The following B4GALNT2 variants were observed in gnomAD, a reference collection of about 807,000 sequenced individuals.
The protein encoded by B4GALNT2 is beta-1,4-N-acetyl-galactosaminyltransferase 2 (SID blood group).
B4GALNT2 carries 42 observed loss-of-function variants against 51.1 expected under a neutral mutation model. The ratio of observed to expected loss-of-function variants is 0.82; its 90% confidence interval spans 0.64 to 1.06. The LOEUF (loss-of-function observed/expected upper bound fraction) is 1.06, where lower values mean the gene tolerates loss of function less well. Among genes scored for constraint, B4GALNT2 ranks in the 50% least tolerant of loss-of-function variants. The pLI, the probability that B4GALNT2 is intolerant of heterozygous loss-of-function variation, is 0.00. For synonymous variants in B4GALNT2, 253 were observed against 251.7 expected, an observed-to-expected ratio of 1.01 and a Z score of -0.05; for missense variants, 602 against 633.6, an observed-to-expected ratio of 0.95 and a Z score of 0.54.
upstream of B4GALNT2, among the ~76,000 whole-genome samples, chr17:49,127,567 T>C (rs977955905): frequency 6.6e-6 from 1 of 152,168 alleles, no homozygotes; most frequent in Non-Finnish European, 1.5e-5. Flanking sequence ...GCTTTTAAAA[T>C]AGATATTGCA....
intron 4 of B4GALNT2, among the ~76,000 whole-genome samples, chr17:49,155,297 C>CAA (rs34869721): frequency 4.4e-3 from 235 of 53,694 alleles, no homozygotes; most frequent in African/African-American, 5.7e-3. Context: ...GATTCAGTCT[C>CAA]AAAAAAAAAA....
the B4GALNT2 span, among the ~76,000 whole-genome samples, chr17:49,121,367 C>A: frequency 6.6e-6 from 1 of 152,102 alleles, no homozygotes; most frequent in Admixed American, 6.5e-5. Flanking sequence ...TTTAACTGGG[C>A]CAAGATGCAA....
intron 3 of B4GALNT2, among the ~76,000 whole-genome samples, chr17:49,147,932 A>T (rs1271786688): frequency 6.6e-6 from 1 of 150,516 alleles, no homozygotes; most frequent in African/African-American, 2.5e-5. Flanking sequence ...GTACCATAAA[A>T]ACAAATCACT....
chr17:49,170,008 T>C lies in B4GALNT2; in HGVS notation c.*280T>C. The C allele has an allele frequency of 3.2e-6, 1 of 315,818 alleles. No individual in the cohort carries two copies. The highest frequency in any genetic ancestry group is 5.8e-6 in the Non-Finnish European group (1 of 171,882). 19.6% of individuals were successfully genotyped at this position (315,818 alleles called of 1,614,324 possible). On this transcript the variant is annotated 3_prime_UTR_variant, in exon 11 of 11. Coordinates refer to ENST00000393354, the MANE Select transcript of B4GALNT2 (RefSeq NM_001159387.2). Reference sequence around the variant, plus strand: ...TTTGCATGGGCAGTATCTCACATCATCTCATCTGATATCACACAAAGATGA... The same window carrying C: ...TTTGCATGGGCAGTATCTCACATCACCTCATCTGATATCACACAAAGATGA...
intron 3 of B4GALNT2, among the ~76,000 whole-genome samples, chr17:49,150,443 C>T (rs568599775): frequency 3.0e-4 from 46 of 152,192 alleles, no homozygotes; most frequent in African/African-American, 1.1e-3. Flanking sequence ...TCATTGAGAA[C>T]GGGCCATGAT....
intron 9 of B4GALNT2, among the ~76,000 whole-genome samples, chr17:49,168,158 A>G (rs1036360725): frequency 2.0e-5 from 3 of 152,226 alleles, no homozygotes; most frequent in Non-Finnish European, 4.4e-5. Flanking sequence ...AAATAGATGT[A>G]CTTGCTCATC....
intron 6 of B4GALNT2, among the ~76,000 whole-genome samples, chr17:49,159,860 T>C (rs149072482): frequency 4.4e-4 from 67 of 152,268 alleles, no homozygotes; most frequent in Non-Finnish European, 8.1e-4. Flanking sequence ...TCCACTGCAG[T>C]AGAGGAGGGA....
chr17:49,171,851 A>G lies in B4GALNT2; in HGVS notation c.*2123A>G. ...CTGGCCAGGTCTAATTCTATTTACAAATAGGTTTTGAGCTGCCTTTGCTTT... is the reference window on the plus strand; with the variant it reads ...CTGGCCAGGTCTAATTCTATTTACAGATAGGTTTTGAGCTGCCTTTGCTTT... On this transcript the variant is annotated 3_prime_UTR_variant, in exon 11 of 11. Transcript: ENST00000393354. The G allele has an allele frequency of 2.9e-6, 1 of 345,780 alleles. No individual in the cohort carries two copies. The highest frequency in any genetic ancestry group is 2.3e-5 in the South Asian group (1 of 42,736). The allele number at this position is 345,780 out of a possible 1,614,324, so 21.4% of individuals were successfully genotyped here. A position where few individuals can be genotyped will look rare whatever the true frequency, so the allele number is the denominator to read the frequency against.
At chr17:49,136,972 A>T (rs1272408779) in intron 1 of B4GALNT2, among the ~76,000 whole-genome samples, 3 of 152,204 alleles carry the variant, frequency 2.0e-5, no homozygotes, top group Non-Finnish European at 4.4e-5. Context: ...TTACATAGTA[A>T]AACAAATTAT....
In B4GALNT2 at chr17:49,176,188, C is replaced by T. The variant is rs72835425; in HGVS notation, c.*6460C>T. The T allele has an allele frequency of 0.097, 14,715 of 152,288 alleles. 872 individuals are homozygous for T. The highest frequency in any genetic ancestry group is 0.19 in the South Asian group (893 of 4,820). 9.4% of individuals were successfully genotyped at this position (152,288 alleles called of 1,614,324 possible). ...CCCTTCAACTGGGGTTCAAGCCCCACGTTGGGCGCCACTTGCCGACACCAG... is the reference window on the plus strand; with the variant it reads ...CCCTTCAACTGGGGTTCAAGCCCCATGTTGGGCGCCACTTGCCGACACCAG... On this transcript the variant is annotated 3_prime_UTR_variant, in exon 11 of 11. Transcript: ENST00000393354.
At chr17:49,131,233 C>A (rs1029411341), upstream of B4GALNT2, among the ~76,000 whole-genome samples, 1 of 152,128 alleles carries the variant, frequency 6.6e-6, no homozygotes, top group African/African-American at 2.4e-5. Flanking sequence ...TGCACGTAGT[C>A]GGTACAACAC....
Position 49,156,489 on chromosome 17 carries a change from A to G in B4GALNT2, c.461-77A>G, listed in dbSNP as rs2042811464. 16 of 1,492,176 alleles carry G rather than the reference A, an allele frequency of 1.1e-5. No homozygotes were observed. In the East Asian group the frequency reaches 3.2e-4, roughly 30 times the overall value. The allele number at this position is 1,492,176 out of a possible 1,614,324, so 92.4% of individuals were successfully genotyped here. On this transcript the variant is annotated intron_variant, in intron 4 of 10. Transcript: ENST00000393354. The stretch of plus-strand genomic sequence containing the variant: ...AGCTCTCAAGGATGTGCAGGAGTCC[A>G]TGAGGTTGGCGAGAGCAGCGGGGAG...
intron 1 of B4GALNT2, among the ~76,000 whole-genome samples, chr17:49,133,537 A>G (rs56291069): frequency 0.38 from 57,620 of 152,092 alleles, 11,708 homozygotes; most frequent in African/African-American, 0.53. Flanking sequence ...AAACTCTAAA[A>G]CAATCGCTAA....
At position 49,142,025 on chromosome 17, in the gene B4GALNT2, C is replaced by T. The variant is rs1347406411; in HGVS notation, c.216-10C>T. On this transcript the variant is annotated splice_polypyrimidine_tract_variant and intron_variant, in intron 2 of 10. Transcript: ENST00000393354. ...CCAATCCATGTTTACAGTCCTCTTGCTTGTTTCAGGCTGTTCCCGAAAAAT... is the reference window on the plus strand; with the variant it reads ...CCAATCCATGTTTACAGTCCTCTTGTTTGTTTCAGGCTGTTCCCGAAAAAT... 9.3e-6 allele frequency: 15 copies of T among 1,613,698 alleles called. No homozygotes were observed. Among genetic ancestry groups the T allele is most frequent in the Admixed American group, 1.7e-5 (1 of 59,996 alleles).
In B4GALNT2 at chr17:49,168,780, C is replaced by G. The variant is rs1227736193; in HGVS notation, c.1195C>G (p.Pro399Ala). 1 of 1,613,942 alleles carries G rather than the reference C, an allele frequency of 6.2e-7. No individual in the cohort carries two copies. Among genetic ancestry groups the G allele is most frequent in the Non-Finnish European group, 8.5e-7 (1 of 1,180,036 alleles). Residue 399 changes from proline (P) to alanine (A), a missense_variant, in exon 10 of 11, where the codon CCC becomes GCC. Pro to Ala is a conservative substitution (Grantham distance 27). Coordinates refer to ENST00000393354, the MANE Select transcript of B4GALNT2 (RefSeq NM_001159387.2). ...TCACAAGAGGATGGGATTTTTCCAA[C>G]CCCTGGATGGCTTCCCCAGCTGCGT... ...CLHKRMGFFQ[P>A]LDGFPSCVVT...
chr17:49,132,631 GGT>G (rs2042549689), upstream of B4GALNT2: 3 of 734,076 alleles, frequency 4.1e-6, no homozygotes, highest in Non-Finnish European at 3.9e-6. Context: ...TGGGGGCGCT[GGT>G]GTGGGGGCGG....
intron 3 of B4GALNT2, among the ~76,000 whole-genome samples, chr17:49,150,410 G>A (rs1177205318): frequency 3.9e-5 from 6 of 152,260 alleles, no homozygotes; most frequent in East Asian, 3.9e-4. Context: ...CCACCACCCC[G>A]TCTGGGAGGT....
At chr17:49,137,990 G>A (rs1338010080) in intron 1 of B4GALNT2, among the ~76,000 whole-genome samples, 1 of 152,150 alleles carries the variant, frequency 6.6e-6, no homozygotes, top group East Asian at 1.9e-4. Flanking sequence ...TAAACATAAA[G>A]TGAGCAGGCA....
chr17:49,126,779 C>G, the B4GALNT2 span, among the ~76,000 whole-genome samples: 1 of 151,680 alleles, frequency 6.6e-6, no homozygotes. Context: ...TCACTGCAGT[C>G]TCCACCTCCT....
Sources: allele counts gnomAD v4.1 joint callset (sites outside exome capture counted in the v4.1 genomes callset), GRCh38; gene constraint gnomAD v4.1.1; transcripts MANE v1.5; gene names NCBI Gene and HGNC (gene_info 2026-07-23, HGNC 2026-07-21).